Variants in FRMD5 observed in about 807,000 individuals in gnomAD.
FRMD5 encodes the protein FERM domain containing 5.
In FRMD5, 20 loss-of-function variants were observed where a neutral mutation model predicts 69.0. The observed-to-expected ratio is 0.29, with a 90% CI of 0.20 to 0.42. The LOEUF (loss-of-function observed/expected upper bound fraction) is 0.42. Among genes scored for constraint, FRMD5 ranks in the 10% least tolerant of loss-of-function variants. The pLI is 1.00. For missense variants in FRMD5, 595 were observed against 708.6 expected, an observed-to-expected ratio of 0.84 and a Z score of 1.82; for synonymous variants, 271 against 260.1, an observed-to-expected ratio of 1.04 and a Z score of -0.40.
At chr15:44,027,966 T>A (rs1044542246) in intron 1 of FRMD5, among the ~76,000 whole-genome samples, 14 of 152,176 alleles carry the variant, frequency 9.2e-5, no homozygotes, top group Non-Finnish European at 1.5e-5. Flanking sequence ...TCAAAACTTC[T>A]GCCCAGATGT....
At chr15:43,964,673 G>A (rs1315283158) in intron 1 of FRMD5, among the ~76,000 whole-genome samples, 1 of 151,998 alleles carries the variant, frequency 6.6e-6, no homozygotes, top group Non-Finnish European at 1.5e-5. Flanking sequence ...CCTCAATGGA[G>A]AAAAGATATT....
intron 1 of FRMD5, among the ~76,000 whole-genome samples, chr15:44,006,251 C>T (rs962399629): frequency 6.6e-6 from 1 of 152,158 alleles, no homozygotes; most frequent in Non-Finnish European, 1.5e-5. Context: ...GGTGACAGTA[C>T]ATCTGTTTAC....
intron 7 of FRMD5, among the ~76,000 whole-genome samples, chr15:43,898,102 C>T (rs1198729879): frequency 2.6e-5 from 4 of 152,142 alleles, no homozygotes; most frequent in Non-Finnish European, 5.9e-5. Flanking sequence ...CAGATGATAT[C>T]AATAATCTTG....
chr15:44,072,833 A>G (rs907081417), intron 1 of FRMD5, among the ~76,000 whole-genome samples: 2 of 152,360 alleles, frequency 1.3e-5, no homozygotes, highest in Admixed American at 6.5e-5. Flanking sequence ...ATACCTGAAT[A>G]AAATGAAAGA....
intron 11 of FRMD5, 44 bp downstream of exon 11, chr15:43,885,637 G>T: frequency 6.7e-7 from 1 of 1,500,806 alleles, no homozygotes; most frequent in Non-Finnish European, 9.3e-7. Flanking sequence ...CCAGAGAAGG[G>T]TCTGAAAATA....
At chr15:44,198,347 AT>A, upstream of FRMD5, among the ~76,000 whole-genome samples, 1 of 150,708 alleles carries the variant, frequency 6.6e-6, no homozygotes, top group African/African-American at 2.4e-5. Context: ...AAAAAAAGGA[AT>A]TAAAAAAAAT....
chr15:44,181,546 TTAAA>T (rs2078001325), intron 1 of FRMD5, among the ~76,000 whole-genome samples: 7 of 152,276 alleles, frequency 4.6e-5, no homozygotes, highest in African/African-American at 1.4e-4. Flanking sequence ...TAGTATACAA[TTAAA>T]TGGTTTTTAG....
At chr15:44,180,278 G>A (rs943422868) in intron 1 of FRMD5, among the ~76,000 whole-genome samples, 1 of 151,956 alleles carries the variant, frequency 6.6e-6, no homozygotes, top group African/African-American at 2.4e-5. Context: ...TTAGCACAGA[G>A]CCTGGAACAA....
intron 1 of FRMD5, among the ~76,000 whole-genome samples, chr15:43,972,310 T>A (rs1232544924): frequency 6.6e-6 from 1 of 151,982 alleles, no homozygotes; most frequent in East Asian, 1.9e-4. Context: ...AATGCATCAA[T>A]ATATTAAAAA....
chr15:44,106,094 CAGTT>C (rs894712857), intron 1 of FRMD5, among the ~76,000 whole-genome samples: 9 of 152,118 alleles, frequency 5.9e-5, no homozygotes, highest in Admixed American at 4.6e-4. Flanking sequence ...TTTCCATCCA[CAGTT>C]GGTTGAATCC....
intron 1 of FRMD5, among the ~76,000 whole-genome samples, chr15:43,982,442 T>TC (rs1474926157): frequency 6.6e-6 from 1 of 152,230 alleles, no homozygotes; most frequent in South Asian, 2.1e-4. Context: ...GTGTTTTTTT[T>TC]CACTTTAACG....
intron 1 of FRMD5, among the ~76,000 whole-genome samples, chr15:44,188,765 C>G (rs144175347): frequency 1.3e-5 from 2 of 152,058 alleles, no homozygotes; most frequent in African/African-American, 4.8e-5. Flanking sequence ...ATAAGAATAG[C>G]TAGATTTGGT....
At position 44,089,442 on chromosome 15, in the gene FRMD5, G is replaced by A. The variant is rs575455618; in HGVS notation, c.102+105511C>T. On this transcript the variant is annotated intron_variant, in intron 1 of 13. Transcript: ENST00000417257. ...TTCAGGGCTGGGTATGGTGGTCCCC[G>A]CCTGTAATCCCAGCACTTTGGGAGT... is the stretch of plus-strand genomic sequence containing the variant. Among the ~76,000 whole-genome samples, 219 of 152,112 alleles carry A rather than the reference G, an allele frequency of 1.4e-3. 1 individual carries two copies. Among genetic ancestry groups the A allele is most frequent in the Non-Finnish European group, 2.5e-3 (173 of 68,000 alleles).
chr15:44,083,449 T>A (rs1312099304), intron 1 of FRMD5, among the ~76,000 whole-genome samples: 1 of 152,074 alleles, frequency 6.6e-6, no homozygotes, highest in Non-Finnish European at 1.5e-5. Flanking sequence ...AGAATTGCTG[T>A]CCATTCATAG....
At chr15:44,044,323 G>A (rs1436541438) in intron 1 of FRMD5, among the ~76,000 whole-genome samples, 1 of 152,126 alleles carries the variant, frequency 6.6e-6, no homozygotes, top group Non-Finnish European at 1.5e-5. Flanking sequence ...ACTGTTGGTG[G>A]GACTGTAAAC....
intron 1 of FRMD5, among the ~76,000 whole-genome samples, chr15:43,959,016 A>G (rs2090157066): frequency 1.3e-5 from 2 of 152,318 alleles, no homozygotes; most frequent in Admixed American, 6.5e-5. Flanking sequence ...AGGGAGCTGA[A>G]AAAAAGCCTT....
intron 1 of FRMD5, among the ~76,000 whole-genome samples, chr15:44,035,843 G>C (rs1891883739): frequency 6.6e-6 from 1 of 152,106 alleles, no homozygotes; most frequent in African/African-American, 2.4e-5. Flanking sequence ...CTACTTTGAG[G>C]CATTTAAGAA....
intron 1 of FRMD5, among the ~76,000 whole-genome samples, chr15:43,967,725 A>AT (rs558472301): frequency 7.4e-5 from 11 of 148,674 alleles, no homozygotes; most frequent in African/African-American, 1.5e-4. Flanking sequence ...TGCATTTCCT[A>AT]TTTTTTTTTG....
chr15:44,039,003 A>G lies in FRMD5; in HGVS notation c.103-114694T>C, dbSNP rs114425764. ...TAGAATGCTCAAGCTTTGTAGGGGGAGGGGCATCCACCATTGCTAAGGATG... is the reference window on the plus strand; with the variant it reads ...TAGAATGCTCAAGCTTTGTAGGGGGGGGGGCATCCACCATTGCTAAGGATG... On this transcript the variant is annotated intron_variant, in intron 1 of 13. Transcript: ENST00000417257. Among the ~76,000 whole-genome samples, 1,263 of 152,082 alleles carry G rather than the reference A, an allele frequency of 8.3e-3. 19 individuals are homozygous for G. The highest frequency in any genetic ancestry group is 0.029 in the African/African-American group (1,199 of 41,512).
Sources: gnomAD v4.1 joint callset for allele counts (sites outside exome capture counted in the v4.1 genomes callset) on GRCh38, gnomAD v4.1.1 for gene constraint, MANE v1.5 for transcripts, NCBI Gene and HGNC (gene_info 2026-07-23, HGNC 2026-07-21) for gene names.